Variants in GSDMB observed in about 807,000 individuals in gnomAD.
GSDMB encodes gasdermin B, also known as gasdermin-B.
In GSDMB, 32 loss-of-function variants were observed where a neutral mutation model predicts 42.9. The ratio of observed to expected loss-of-function variants is 0.75; its 90% CI spans 0.56 to 1.00. GSDMB has a LOEUF of 1.00. Ranked by LOEUF, GSDMB falls within the 50% of genes least tolerant of loss-of-function variation. GSDMB has a pLI of 0.00. For missense variants in GSDMB, 468 were observed against 498.5 expected, an observed-to-expected ratio of 0.94 and a Z score of 0.58; for synonymous variants, 175 against 193.7, an observed-to-expected ratio of 0.90 and a Z score of 0.80.
At chr17:39,915,717 C>CCTTG (rs1765369479) in intron 2 of GSDMB, among the ~76,000 whole-genome samples, 1 of 151,806 alleles carries the variant, frequency 6.6e-6, no homozygotes, top group South Asian at 2.1e-4. Flanking sequence ...TCCAAAAGCC[C>CCTTG]CTTGCTTGCT....
In GSDMB at chr17:39,906,987, T is replaced by C. The variant is rs747618403; in HGVS notation, c.701A>G (p.Glu234Gly). ...FRGKTKSFPEEKDGASSCLGK... is the reference protein window; with the variant it reads ...FRGKTKSFPEGKDGASSCLGK... ...TAAACAGGATGAAGCACCATCCTTC[T>C]CTGCAGAGAGAGGAAGAGTTATTTC... The change falls in exon 7 of 11, where the codon GAG (glutamate) becomes GGG (glycine). Residue 234 changes from glutamate to glycine, a missense_variant and splice_region_variant. Coordinates refer to ENST00000418519, the MANE Select transcript of GSDMB (RefSeq NM_001165958.2). 6.2e-7 allele frequency: 1 copy of C among 1,614,072 alleles called. No individual in the cohort carries two copies. Among genetic ancestry groups the C allele is most frequent in the Admixed American group, 1.7e-5 (1 of 60,010 alleles).
chr17:39,909,056 C>A lies in GSDMB; in HGVS notation c.577-14G>T. 1 of 1,516,182 alleles carries A rather than the reference C, an allele frequency of 6.6e-7. No homozygotes were observed. The allele number at this position is 1,516,182 out of a possible 1,614,324, so 93.9% of individuals were successfully genotyped here. A position where few individuals can be genotyped will look rare whatever the true frequency, so the allele number is the denominator to read the frequency against. ...TTCCCTTTGGCCCTAGAAAAAGGAG[C>A]TCACATTGACGGATCCCCAGGTGTT... On this transcript the variant is annotated splice_polypyrimidine_tract_variant and intron_variant, in intron 4 of 10. Coordinates refer to ENST00000418519, the MANE Select transcript of GSDMB (RefSeq NM_001165958.2).
At chr17:39,912,709 C>T (rs2063634294) in intron 2 of GSDMB, among the ~76,000 whole-genome samples, 1 of 152,236 alleles carries the variant, frequency 6.6e-6, no homozygotes, top group African/African-American at 2.4e-5. Context: ...GAGCCCACTC[C>T]TCCACCTTCT....
At chr17:39,909,651 C>T (rs1432347267) in intron 4 of GSDMB, 105 bp downstream of exon 4, 14 of 1,022,654 alleles carry the variant, frequency 1.4e-5, no homozygotes, top group Non-Finnish European at 1.9e-5. Flanking sequence ...AGCAGCAGGG[C>T]TGCTCGGAGA....
At chr17:39,911,727 G>T (rs900408505) in intron 3 of GSDMB, among the ~76,000 whole-genome samples, 2 of 152,176 alleles carry the variant, frequency 1.3e-5, no homozygotes, top group African/African-American at 2.4e-5. Flanking sequence ...TTCCAGTCCA[G>T]TGGGAAAGAC....
chr17:39,907,711 G>C (rs566057760), intron 6 of GSDMB: 2 of 152,050 alleles, frequency 1.3e-5, no homozygotes, highest in Non-Finnish European at 2.9e-5. Flanking sequence ...CTGGGCGACA[G>C]AGCAAGACTC....
In GSDMB at chr17:39,904,801, G is replaced by A. The variant is rs36049276; in HGVS notation, c.*11C>T. 8,448 of 1,612,944 alleles carry A rather than the reference G, an allele frequency of 5.2e-3. 392 individuals are homozygous for A. The African/African-American group carries it at 0.1, about 19-fold the overall frequency. ...AACCCAGAGGCTTGTGGGGAGAAAG[G>A]GCTTTTGTAGTTAGGAAGAGACAGA... is the stretch of plus-strand genomic sequence containing the variant. On this transcript the variant is annotated 3_prime_UTR_variant, in exon 11 of 11. Transcript: ENST00000418519.
intron 6 of GSDMB, 144 bp downstream of exon 6, chr17:39,908,030 AAT>A (rs1178982052): frequency 1.5e-6 from 1 of 646,522 alleles, no homozygotes; most frequent in Non-Finnish European, 2.8e-6. Context: ...TCAACAGGCT[AAT>A]TTTTCCCCTG....
In GSDMB at chr17:39,917,149, G is replaced by T; in HGVS notation, c.168C>A (p.Leu56=). Residue 56 remains leucine, a synonymous_variant, in exon 2 of 11, where the codon CTC becomes CTA. Transcript: ENST00000418519. ...FFGCRHYTTG[L]TLMDILDTDG... ...CTGTGTCCAGAATGTCCATCAGGGT[G>T]AGGCCTGTTGTGTAGTGCCGGCATC... 2 of 1,614,144 alleles carry T rather than the reference G, an allele frequency of 1.2e-6. No homozygotes were observed. Among genetic ancestry groups the T allele is most frequent in the Non-Finnish European group, 1.7e-6 (2 of 1,180,002 alleles).
intron 3 of GSDMB, among the ~76,000 whole-genome samples, chr17:39,911,194 G>T (rs1180892274): frequency 6.6e-6 from 1 of 151,826 alleles, no homozygotes; most frequent in African/African-American, 2.4e-5. Flanking sequence ...GTGGTGGCGG[G>T]CACCTGTAGT....
intron 4 of GSDMB, chr17:39,909,408 AAAATGAAGGCTGG>A: frequency 2.7e-6 from 1 of 373,440 alleles, no homozygotes; most frequent in Non-Finnish European, 4.8e-6. Context: ...ATGTACAAAG[AAAATGAAGGCTGG>A]GTGCGTGGCT....
At chr17:39,914,858 C>T (rs533618066) in intron 2 of GSDMB, among the ~76,000 whole-genome samples, 1 of 140,446 alleles carries the variant, frequency 7.1e-6, no homozygotes, top group Non-Finnish European at 1.5e-5. Flanking sequence ...TTTTTTGAGA[C>T]GGAGTCTTGC....
intron 7 of GSDMB, 73 bp from the exon 8 acceptor site, chr17:39,906,344 C>T: frequency 1.4e-6 from 2 of 1,447,718 alleles, no homozygotes; most frequent in South Asian, 2.5e-5. Flanking sequence ...TGTTATTTGT[C>T]TGACTGTCTT....
At chr17:39,909,539 A>C in intron 4 of GSDMB, 2 of 527,612 alleles carry the variant, frequency 3.8e-6, no homozygotes, top group Non-Finnish European at 6.8e-6. Flanking sequence ...CTATTTAAAA[A>C]AGAAAGAAAG....
In GSDMB at chr17:39,904,716, G is replaced by C; in HGVS notation, c.*96C>G. On this transcript the variant is annotated 3_prime_UTR_variant, in exon 11 of 11. Transcript: ENST00000418519. ...AATGGTTGGCTGCTTGTTTTAAAGA[G>C]GTCCCACTGGTGACAGGATGGTAGT... is the stretch of plus-strand genomic sequence containing the variant. The C allele has an allele frequency of 1.0e-6, 1 of 983,904 alleles. No homozygotes were observed. Among genetic ancestry groups the C allele is most frequent in the Non-Finnish European group, 1.5e-6 (1 of 645,724 alleles). The allele number at this position is 983,904 out of a possible 1,614,324, so 60.9% of individuals were successfully genotyped here.
In GSDMB at chr17:39,908,358, GTTTTTGTTTTTGT is replaced by G. The variant is rs1390782696; in HGVS notation, c.662-157_662-145del. The G allele has an allele frequency of 9.5e-4, 541 of 570,006 alleles. 4 individuals carry two copies. In the African/African-American group the frequency reaches 0.011, roughly 11 times the overall value. 35.3% of individuals were successfully genotyped at this position (570,006 alleles called of 1,614,324 possible). On this transcript the variant is annotated intron_variant, in intron 5 of 10. Transcript: ENST00000418519. ...AAAAAAAAAAAGACAACTGTTTTTT[GTTTTTGTTTTTGT>G]TTTTTGTTTTTTGTTTTTTGTTTTT...
rs1011936168 is a variant in GSDMB at position 39,912,384 on chromosome 17, T to G, written c.349A>C (p.Lys117Gln). The G allele has an allele frequency of 1.5e-5, 24 of 1,614,094 alleles. No homozygotes were observed. The East Asian group carries it at 5.3e-4, about 36-fold the overall frequency. Residue 117 changes from lysine to glutamine, a missense_variant, in exon 3 of 11, where the codon AAA becomes CAA. Lys to Gln is a moderately conservative substitution (Grantham distance 53). Coordinates refer to ENST00000418519, the MANE Select transcript of GSDMB (RefSeq NM_001165958.2). ...ATCCGGTTCTCCGATATCTTGATTT[T>G]CTGATGGTGGAAGCCCTGGAAACTG... ...SGSFQGFHHQ[K>Q]IKISENRISQ...
intron 1 of GSDMB, chr17:39,917,851 A>C (rs1201860378): frequency 6.2e-6 from 1 of 161,052 alleles, no homozygotes; most frequent in Admixed American, 5.9e-5. Flanking sequence ...CAAAGGTTCC[A>C]GGACAATCAG....
chr17:39,917,964 T>C (rs2063746552), intron 1 of GSDMB: 1 of 152,560 alleles, frequency 6.6e-6, no homozygotes, highest in Non-Finnish European at 1.5e-5. Context: ...CTGCCCCTCA[T>C]GGTACCCATC....
Sources: allele counts gnomAD v4.1 joint callset (sites outside exome capture counted in the v4.1 genomes callset), GRCh38; gene constraint gnomAD v4.1.1; transcripts MANE v1.5; gene names NCBI Gene and HGNC (gene_info 2026-07-23, HGNC 2026-07-21).